The following SLC14A2 variants were observed in gnomAD, a reference collection of about 807,000 sequenced individuals.
SLC14A2 encodes the protein solute carrier family 14 member 2, also known as urea transporter 2.
A neutral mutation model predicts 104.6 loss-of-function variants in SLC14A2; 91 were observed. The observed-to-expected ratio is 0.87, with a 90% CI of 0.73 to 1.04. The LOEUF is 1.04. SLC14A2 is among the 50% of genes least tolerant of loss of function. The pLI, the probability that SLC14A2 is intolerant of heterozygous loss-of-function variation, is 0.00. For synonymous variants in SLC14A2, 476 were observed against 466.4 expected (o/e 1.02, Z -0.27); for missense variants, 1,189 against 1,156.0 (o/e 1.03, Z -0.41).
Position 45,345,410 on chromosome 18 carries a change from G to A in SLC14A2, c.-125+132219G>A, listed in dbSNP as rs148676440. 5.6e-3 allele frequency among the ~76,000 whole-genome samples: 858 copies of A among 152,284 alleles called. 9 individuals are homozygous for A. Among genetic ancestry groups the A allele is most frequent in the African/African-American group, 0.019 (799 of 41,552 alleles). On this transcript the variant is annotated intron_variant, in intron 1 of 20. Coordinates refer to the SLC14A2 transcript ENST00000586448. Reference sequence around the variant, plus strand: ...TCTAATGATGTCACTTCAGATATCTGATGGACAGGTGTTCAGGAGTGAAGC... The same window carrying A: ...TCTAATGATGTCACTTCAGATATCTAATGGACAGGTGTTCAGGAGTGAAGC...
intron 2 of SLC14A2, among the ~76,000 whole-genome samples, chr18:45,589,140 G>C (rs2852299): frequency 0.73 from 110,634 of 152,156 alleles, 40,765 homozygotes; most frequent in African/African-American, 0.83. Flanking sequence ...ATTACAACTC[G>C]GCGGCCTCGG....
At chr18:45,426,344 G>C (rs992304134) in intron 1 of SLC14A2, among the ~76,000 whole-genome samples, 2 of 152,012 alleles carry the variant, frequency 1.3e-5, no homozygotes, top group Admixed American at 1.3e-4. Flanking sequence ...TATCGAGTGC[G>C]TAATCGTGAT....
chr18:45,298,862 T>G (rs1385750357), intron 1 of SLC14A2, among the ~76,000 whole-genome samples: 1 of 152,134 alleles, frequency 6.6e-6, no homozygotes, highest in Non-Finnish European at 1.5e-5. Flanking sequence ...AATATGACAA[T>G]GACATCTTTC....
intron 1 of SLC14A2, among the ~76,000 whole-genome samples, chr18:45,263,358 C>T (rs2084559036): frequency 6.6e-6 from 1 of 152,118 alleles, no homozygotes; most frequent in South Asian, 2.1e-4. Flanking sequence ...ATTGATAGAG[C>T]CATTTACTGG....
Position 45,365,366 on chromosome 18 carries a change from A to G in SLC14A2, c.-124-117867A>G, listed in dbSNP as rs190024970. Among the ~76,000 whole-genome samples, 13 of 152,350 alleles carry G rather than the reference A, an allele frequency of 8.5e-5. No individual in the cohort carries two copies. The East Asian group carries it at 2.5e-3, about 29-fold the overall frequency. The stretch of plus-strand genomic sequence containing the variant: ...CCCTCTAGGGTTGCTGCAGAATCCA[A>G]TAAGATCATGTGTGTTAAGTGTCTT... On this transcript the variant is annotated intron_variant, in intron 1 of 20. Coordinates refer to the SLC14A2 transcript ENST00000586448.
chr18:45,660,530 G>C (rs997176505), intron 10 of SLC14A2, among the ~76,000 whole-genome samples: 1 of 152,176 alleles, frequency 6.6e-6, no homozygotes, highest in Non-Finnish European at 1.5e-5. Context: ...AGAAATGGCA[G>C]GTACCCCTCT....
upstream of SLC14A2, among the ~76,000 whole-genome samples, chr18:45,211,414 C>T (rs1365553397): frequency 6.6e-6 from 1 of 152,196 alleles, no homozygotes; most frequent in Non-Finnish European, 1.5e-5. Context: ...GAATGATCTG[C>T]AGTGTGCAAG....
chr18:45,538,984 A>G (rs1325565271), intron 2 of SLC14A2, among the ~76,000 whole-genome samples: 1 of 150,606 alleles, frequency 6.6e-6, no homozygotes, highest in Non-Finnish European at 1.5e-5. Flanking sequence ...CACATACTAT[A>G]TGGCAGGCCT....
Position 45,521,298 on chromosome 18 carries a change from T to C in SLC14A2, c.-35+37976T>C, listed in dbSNP as rs184264739. Among the ~76,000 whole-genome samples, 151 of 152,328 alleles carry C rather than the reference T, an allele frequency of 9.9e-4. 1 individual carries two copies. The highest frequency in any genetic ancestry group is 9.6e-3 in the Admixed American group (147 of 15,300). The stretch of plus-strand genomic sequence containing the variant: ...AGGGTTAAATGACTCATTCCAAGCT[T>C]ACAGCCAAAGCATACTTGCAGTTTC... On this transcript the variant is annotated intron_variant, in intron 2 of 20. Coordinates refer to the SLC14A2 transcript ENST00000586448.
In SLC14A2 at chr18:45,668,199, T is replaced by C. The variant is rs150257970; in HGVS notation, c.1908-150T>C. ...TTTCTAGAGAAATATGAAGGATTCA[T>C]AGGGTTGTCTTCCTTCCCCACTCCC... On this transcript the variant is annotated intron_variant, in intron 14 of 19. Coordinates refer to ENST00000255226, the MANE Select transcript of SLC14A2 (RefSeq NM_007163.4). 1.2e-3 allele frequency: 1,381 copies of C among 1,160,486 alleles called. 17 individuals are homozygous for C. The African/African-American group carries it at 0.02, about 16-fold the overall frequency. 71.9% of individuals were successfully genotyped at this position (1,160,486 alleles called of 1,614,324 possible).
chr18:45,170,891 G>A, the SLC14A2 span, among the ~76,000 whole-genome samples: 2 of 152,134 alleles, frequency 1.3e-5, no homozygotes, highest in African/African-American at 2.4e-5. Context: ...AATGATAAAA[G>A]GTGCCATTGG....
intron 1 of SLC14A2, among the ~76,000 whole-genome samples, chr18:45,367,206 T>C (rs2085674807): frequency 6.6e-6 from 1 of 152,188 alleles, no homozygotes. Flanking sequence ...CATTTTACAA[T>C]TATGAAAACA....
intron 2 of SLC14A2, among the ~76,000 whole-genome samples, chr18:45,535,350 G>A (rs2043763698): frequency 6.6e-6 from 1 of 152,284 alleles, no homozygotes; most frequent in Admixed American, 6.5e-5. Context: ...AGCGTAATTG[G>A]TTTCTACCTT....
In SLC14A2 at chr18:45,378,213, A is replaced by G. The variant is rs138562554; in HGVS notation, c.-124-105020A>G. On this transcript the variant is annotated intron_variant, in intron 1 of 20. Coordinates refer to the SLC14A2 transcript ENST00000586448. ...TATTTATTTCTGAATTCTCTGGAGT[A>G]TTTAGCATAGTGTAAAGGCTCCTAT... Among the ~76,000 whole-genome samples the G allele has an allele frequency of 2.5e-3, 292 of 117,996 alleles. 2 individuals carry two copies. Among genetic ancestry groups the G allele is most frequent in the Middle Eastern group, 0.013 (3 of 240 alleles). 77.4% of individuals were successfully genotyped at this position (117,996 alleles called of 152,430 possible). A position where few individuals can be genotyped will look rare whatever the true frequency, so the allele number is the denominator to read the frequency against.
intron 1 of SLC14A2, among the ~76,000 whole-genome samples, chr18:45,334,258 C>A (rs553636209): frequency 2.7e-4 from 41 of 152,268 alleles, no homozygotes; most frequent in Non-Finnish European, 4.7e-4. Context: ...TTGCATTTTG[C>A]TTTGTCTATT....
At chr18:45,431,769 T>A (rs1013269388) in intron 1 of SLC14A2, among the ~76,000 whole-genome samples, 1 of 152,172 alleles carries the variant, frequency 6.6e-6, no homozygotes, top group African/African-American at 2.4e-5. Context: ...ACCATTTCAC[T>A]CCTCTTTGCA....
chr18:45,667,262 A>G (rs1289039080), intron 13 of SLC14A2, among the ~76,000 whole-genome samples, 168 bp downstream of exon 13: 1 of 152,226 alleles, frequency 6.6e-6, no homozygotes, highest in African/African-American at 2.4e-5. Flanking sequence ...TAAAACAGAC[A>G]TACAGCCTCT....
intron 2 of SLC14A2, among the ~76,000 whole-genome samples, chr18:45,541,904 A>G (rs1002290957): frequency 6.6e-5 from 10 of 152,282 alleles, no homozygotes; most frequent in African/African-American, 1.9e-4. Flanking sequence ...CTTGCACAAA[A>G]TAGGTACTTG....
upstream of SLC14A2, among the ~76,000 whole-genome samples, chr18:45,613,222 G>T (rs1463218491): frequency 6.6e-6 from 1 of 152,058 alleles, no homozygotes; most frequent in East Asian, 1.9e-4. Context: ...TTTTAGTAGA[G>T]ATGGGGTTTC....
Sources: allele counts gnomAD v4.1 joint callset (sites outside exome capture counted in the v4.1 genomes callset), GRCh38; gene constraint gnomAD v4.1.1; transcripts MANE v1.5; gene names NCBI Gene and HGNC (gene_info 2026-07-23, HGNC 2026-07-21).